PCDH7: variants seen among roughly 807,000 people sequenced by gnomAD.
PCDH7 encodes protocadherin 7.
A neutral mutation model predicts 58.9 loss-of-function variants in PCDH7; 17 were observed. The ratio of observed to expected loss-of-function variants is 0.29; its 90% CI spans 0.20 to 0.43. PCDH7 has a LOEUF of 0.43. Among genes scored for constraint, PCDH7 ranks in the 20% least tolerant of loss-of-function variants. The pLI is 1.00. For missense variants in PCDH7, 1,274 were observed against 1,441.0 expected (o/e 0.88, Z 1.88); for synonymous variants, 664 against 616.4 (o/e 1.08, Z -1.14).
intron 1 of PCDH7, among the ~76,000 whole-genome samples, chr4:30,904,189 C>A (rs1740601374): frequency 6.6e-6 from 1 of 152,128 alleles, no homozygotes; most frequent in African/African-American, 2.4e-5. Context: ...AAGAAACTAC[C>A]AGGAGCATAT....
At chr4:31,056,831 T>G (rs966993047) in intron 3 of PCDH7, among the ~76,000 whole-genome samples, 48 of 152,120 alleles carry the variant, frequency 3.2e-4, no homozygotes, top group Non-Finnish European at 5.6e-4. Context: ...CCTCCCTCTT[T>G]GGTCTCCCAA....
chr4:30,929,601 A>C (rs1478478390), intron 2 of PCDH7, among the ~76,000 whole-genome samples: 1 of 152,222 alleles, frequency 6.6e-6, no homozygotes, highest in Non-Finnish European at 1.5e-5. Context: ...TGTATAAATA[A>C]AATCTGTGAT....
intron 3 of PCDH7, among the ~76,000 whole-genome samples, chr4:31,110,837 C>A (rs1282107332): frequency 6.6e-6 from 1 of 151,616 alleles, no homozygotes; most frequent in South Asian, 2.1e-4. Context: ...ATGGTGTGAA[C>A]CTGGGAGGCG....
chr4:30,762,997 C>T (rs1720222019), intron 1 of PCDH7, among the ~76,000 whole-genome samples: 1 of 152,130 alleles, frequency 6.6e-6, no homozygotes, highest in African/African-American at 2.4e-5. Flanking sequence ...AATACCAGCA[C>T]TTTGGGAGGC....
intron 1 of PCDH7, among the ~76,000 whole-genome samples, chr4:30,738,147 A>G (rs1357295584): frequency 6.6e-6 from 1 of 152,018 alleles, no homozygotes; most frequent in Non-Finnish European, 1.5e-5. Context: ...TTTAACCTTA[A>G]TTTTCTCCAT....
At chr4:31,014,298 T>C (rs901501711) in intron 3 of PCDH7, among the ~76,000 whole-genome samples, 1 of 152,172 alleles carries the variant, frequency 6.6e-6, no homozygotes, top group Non-Finnish European at 1.5e-5. Flanking sequence ...TCATAAAAAA[T>C]GAGACATTTA....
intron 1 of PCDH7, among the ~76,000 whole-genome samples, chr4:30,912,923 C>T (rs1008159252): frequency 5.9e-5 from 9 of 151,830 alleles, no homozygotes; most frequent in Non-Finnish European, 1.0e-4. Context: ...TTAATACGTC[C>T]GATTGTGGGA....
intron 3 of PCDH7, among the ~76,000 whole-genome samples, chr4:30,972,690 T>C (rs1198607415): frequency 6.6e-6 from 1 of 152,134 alleles, no homozygotes; most frequent in African/African-American, 2.4e-5. Context: ...GCTCATAAAA[T>C]CACTGACCTC....
intron 3 of PCDH7, among the ~76,000 whole-genome samples, chr4:31,038,618 T>G (rs2109199869): frequency 1.3e-5 from 2 of 152,306 alleles, no homozygotes; most frequent in South Asian, 4.1e-4. Flanking sequence ...TACATGTAAT[T>G]ACACTGTATA....
intron 1 of PCDH7, among the ~76,000 whole-genome samples, chr4:30,879,751 T>C (rs1736729762): frequency 6.6e-6 from 1 of 152,128 alleles, no homozygotes; most frequent in African/African-American, 2.4e-5. Context: ...ATACTGAAGC[T>C]GGTTTTGATT....
At chr4:31,078,684 G>A (rs1315191071) in intron 3 of PCDH7, among the ~76,000 whole-genome samples, 3 of 104,272 alleles carry the variant, frequency 2.9e-5, no homozygotes, top group African/African-American at 3.8e-5. Context: ...CATCCTAAAT[G>A]TAATTTTCAA....
chr4:31,143,931 G>A (rs548436301), downstream of PCDH7: 5 of 152,298 alleles, frequency 3.3e-5, no homozygotes, highest in South Asian at 6.2e-4. Flanking sequence ...TGAGGTTCAA[G>A]TTTAGTTTCA....
At chr4:30,781,547 T>C (rs939126087) in intron 1 of PCDH7, among the ~76,000 whole-genome samples, 1 of 151,766 alleles carries the variant, frequency 6.6e-6, no homozygotes, top group African/African-American at 2.4e-5. Context: ...ATTTTTTTTT[T>C]TTTTTTGAGA....
intron 1 of PCDH7, among the ~76,000 whole-genome samples, chr4:30,899,049 G>C (rs1279728570): frequency 1.3e-5 from 2 of 152,042 alleles, no homozygotes; most frequent in African/African-American, 4.8e-5. Context: ...TGAACTTTAT[G>C]AAGTAATGGA....
At chr4:30,941,379 C>T (rs1746020016) in intron 2 of PCDH7, among the ~76,000 whole-genome samples, 1 of 151,884 alleles carries the variant, frequency 6.6e-6, no homozygotes. Flanking sequence ...TGGGTAAACT[C>T]AAAATGGTTT....
intron 3 of PCDH7, among the ~76,000 whole-genome samples, chr4:30,963,604 A>T (rs768877192): frequency 1.3e-5 from 2 of 152,102 alleles, no homozygotes; most frequent in Non-Finnish European, 2.9e-5. Flanking sequence ...TCTTATTACA[A>T]TGCAAATGGT....
chr4:30,855,621 T>C (rs1052822475), intron 1 of PCDH7, among the ~76,000 whole-genome samples: 2 of 152,210 alleles, frequency 1.3e-5, no homozygotes, highest in Non-Finnish European at 2.9e-5. Flanking sequence ...CAATGCAAGT[T>C]AATTTCTTGA....
chr4:30,829,328 A>C (rs1729488853), intron 1 of PCDH7, among the ~76,000 whole-genome samples: 2 of 152,130 alleles, frequency 1.3e-5, no homozygotes, highest in Non-Finnish European at 2.9e-5. Flanking sequence ...TAAATATATG[A>C]ATATAGAAAA....
chr4:30,887,311 A>C (rs972609651), intron 1 of PCDH7, among the ~76,000 whole-genome samples: 2 of 152,166 alleles, frequency 1.3e-5, no homozygotes, highest in Non-Finnish European at 2.9e-5. Flanking sequence ...CTATAAGCAC[A>C]CTTATAGCAC....
Sources: gnomAD v4.1 joint callset for allele counts (sites outside exome capture counted in the v4.1 genomes callset) on GRCh38, gnomAD v4.1.1 for gene constraint, MANE v1.5 for transcripts, NCBI Gene and HGNC (gene_info 2026-07-23, HGNC 2026-07-21) for gene names.